SPATA22: variants seen among roughly 807,000 people sequenced by gnomAD.
SPATA22 encodes spermatogenesis associated 22.
Under a neutral mutation model 47.8 loss-of-function variants are expected in SPATA22, and 29 were observed. The ratio of observed to expected loss-of-function variants is 0.61; its 90% CI spans 0.45 to 0.83. The LOEUF is 0.83. Among genes scored for constraint, SPATA22 ranks in the 40% least tolerant of loss-of-function variants. The pLI is 0.00. For missense variants in SPATA22, 410 were observed against 421.7 expected, an observed-to-expected ratio of 0.97 and a Z score of 0.24; for synonymous variants, 133 against 140.9, an observed-to-expected ratio of 0.94 and a Z score of 0.40.
chr17:3,469,822 C>A (rs2073387180), intron 1 of SPATA22, among the ~76,000 whole-genome samples: 1 of 152,160 alleles, frequency 6.6e-6, no homozygotes, highest in African/African-American at 2.4e-5. Context: ...AGGACATCTG[C>A]CTTTGCATCA....
intron 5 of SPATA22, among the ~76,000 whole-genome samples, chr17:3,450,844 CAAG>C (rs1383604495): frequency 6.6e-6 from 1 of 152,098 alleles, no homozygotes; most frequent in Non-Finnish European, 1.5e-5. Context: ...TGAAATATTG[CAAG>C]AAGTACCAAA....
At chr17:3,467,955 A>G (rs989861416) in intron 2 of SPATA22, among the ~76,000 whole-genome samples, 2 of 152,186 alleles carry the variant, frequency 1.3e-5, no homozygotes, top group African/African-American at 4.8e-5. Context: ...GCTTTGGACA[A>G]TAGTGGCACA....
chr17:3,505,193 T>C (rs1355904476), intron 1 of SPATA22, among the ~76,000 whole-genome samples: 1 of 152,222 alleles, frequency 6.6e-6, no homozygotes, highest in African/African-American at 2.4e-5. Flanking sequence ...GCCACTCTGT[T>C]ATACAAGCTC....
At chr17:3,445,321 G>T (rs1388057810) in intron 7 of SPATA22, among the ~76,000 whole-genome samples, 4 of 152,128 alleles carry the variant, frequency 2.6e-5, no homozygotes, top group Admixed American at 2.0e-4. Flanking sequence ...AGCTTCAACA[G>T]AGTAGTAACA....
chr17:3,480,229 A>G (rs574147642), intron 1 of SPATA22, among the ~76,000 whole-genome samples: 14 of 152,232 alleles, frequency 9.2e-5, no homozygotes, highest in Non-Finnish European at 1.9e-4. Flanking sequence ...TCCGCTGCCC[A>G]GACAGAGCTG....
intron 7 of SPATA22, among the ~76,000 whole-genome samples, chr17:3,443,702 C>T (rs1488849711): frequency 6.6e-6 from 1 of 151,928 alleles, no homozygotes; most frequent in East Asian, 1.9e-4. Flanking sequence ...CTTCAACTTA[C>T]TAATATTTTG....
rs532505690 is a variant in SPATA22 at position 3,501,389 on chromosome 17, G to A, written c.-74+12023C>T. ...CCTCTTGGATGACTCTGAGGAATTC[G>A]AGACTTGAGTAAAGGAAGTCATGCA... On this transcript the variant is annotated intron_variant, in intron 1 of 8. Coordinates refer to the SPATA22 transcript ENST00000541913. 3.3e-5 allele frequency: 5 copies of A among 152,380 alleles called. No homozygotes were observed. In the South Asian group the frequency reaches 6.2e-4, roughly 19 times the overall value. 9.4% of individuals were successfully genotyped at this position (152,380 alleles called of 1,614,324 possible).
At chr17:3,493,228 T>A (rs1294909924) in intron 1 of SPATA22, among the ~76,000 whole-genome samples, 1 of 152,196 alleles carries the variant, frequency 6.6e-6, no homozygotes, top group Non-Finnish European at 1.5e-5. Context: ...CATCACAAGA[T>A]CTCATTACTC....
At chr17:3,483,640 T>C in intron 1 of SPATA22, 2 of 1,492,452 alleles carry the variant, frequency 1.3e-6, no homozygotes, top group Non-Finnish European at 1.9e-6. Context: ...ATGTCCTAGC[T>C]GAAACTCAGA....
At chr17:3,499,211 G>C in intron 1 of SPATA22, 1 of 922,778 alleles carries the variant, frequency 1.1e-6, no homozygotes, top group Non-Finnish European at 1.6e-6. Flanking sequence ...TGCCTTATTC[G>C]GTAGGCATCT....
At chr17:3,484,909 G>T (rs1261919751) in intron 1 of SPATA22, among the ~76,000 whole-genome samples, 1 of 152,114 alleles carries the variant, frequency 6.6e-6, no homozygotes, top group African/African-American at 2.4e-5. Context: ...AGCACTCTCT[G>T]TTCCCTATCC....
chr17:3,440,382 T>C (rs1337168773), intron 8 of SPATA22, 44 bp from the exon 9 acceptor site: 4 of 1,451,874 alleles, frequency 2.8e-6, no homozygotes, highest in African/African-American at 1.4e-5. Context: ...TATTACTTCA[T>C]CTGAATTTCA....
At chr17:3,463,812 T>C (rs1205486395) in intron 3 of SPATA22, among the ~76,000 whole-genome samples, 1 of 152,182 alleles carries the variant, frequency 6.6e-6, no homozygotes, top group Admixed American at 6.5e-5. Context: ...GGCTGTATTT[T>C]CTATTCTACT....
intron 1 of SPATA22, among the ~76,000 whole-genome samples, chr17:3,491,499 C>T (rs1291662598): frequency 1.3e-5 from 2 of 152,078 alleles, no homozygotes; most frequent in African/African-American, 2.4e-5. Flanking sequence ...GTAATCCTTG[C>T]ACTTTGGGAG....
intron 1 of SPATA22, chr17:3,494,405 T>C: frequency 6.2e-7 from 1 of 1,613,348 alleles, no homozygotes; most frequent in African/African-American, 1.3e-5. Flanking sequence ...AGAAAGTTGA[T>C]TACCCCCGGG....
upstream of SPATA22, among the ~76,000 whole-genome samples, chr17:3,473,334 AT>A (rs1354303812): frequency 6.6e-6 from 1 of 152,188 alleles, no homozygotes; most frequent in Non-Finnish European, 1.5e-5. Context: ...ACATCACATT[AT>A]GTATGAGACA....
intron 5 of SPATA22, among the ~76,000 whole-genome samples, chr17:3,454,893 T>A (rs899140897): frequency 1.1e-3 from 174 of 152,276 alleles, no homozygotes; most frequent in Non-Finnish European, 1.5e-3. Flanking sequence ...CCACAATGGT[T>A]GAACTAGTTT....
chr17:3,440,088 T>C lies in SPATA22; in HGVS notation c.*59A>G, dbSNP rs1443887566. 35 of 1,124,152 alleles carry C rather than the reference T, an allele frequency of 3.1e-5. No individual in the cohort carries two copies. The highest frequency in any genetic ancestry group is 5.5e-5 in the Admixed American group (2 of 36,424). 69.6% of individuals were successfully genotyped at this position (1,124,152 alleles called of 1,614,324 possible). Reference sequence around the variant, plus strand: ...AGTAGCTATAAAACTATGGAGATGGTAAATTAAGCAATAACAGAAAACTGC... The same window carrying C: ...AGTAGCTATAAAACTATGGAGATGGCAAATTAAGCAATAACAGAAAACTGC... On this transcript the variant is annotated 3_prime_UTR_variant, in exon 9 of 9. Coordinates refer to ENST00000572969, the MANE Select transcript of SPATA22 (RefSeq NM_001170698.2).
At chr17:3,477,490 G>C (rs1267671380) in intron 1 of SPATA22, among the ~76,000 whole-genome samples, 1 of 152,044 alleles carries the variant, frequency 6.6e-6, no homozygotes, top group Non-Finnish European at 1.5e-5. Context: ...TTTCGCTCTT[G>C]TTGCCCAGTC....
Sources: gnomAD v4.1 joint callset for allele counts (sites outside exome capture counted in the v4.1 genomes callset) on GRCh38, gnomAD v4.1.1 for gene constraint, MANE v1.5 for transcripts, NCBI Gene and HGNC (gene_info 2026-07-23, HGNC 2026-07-21) for gene names.